IQSEC1: variants seen among roughly 807,000 people sequenced by gnomAD.
IQSEC1 encodes the protein IQ motif and Sec7 domain ArfGEF 1.
A neutral mutation model predicts 91.0 loss-of-function variants in IQSEC1; 31 were observed. The ratio of observed to expected loss-of-function variants is 0.34; its 90% CI spans 0.26 to 0.46. The LOEUF is 0.46. Ranked by LOEUF, IQSEC1 falls within the 20% of genes least tolerant of loss-of-function variation. IQSEC1 has a pLI of 1.00. For synonymous variants in IQSEC1, 699 were observed against 662.6 expected, an observed-to-expected ratio of 1.05 and a Z score of -0.84; for missense variants, 1,388 against 1,575.6, an observed-to-expected ratio of 0.88 and a Z score of 2.02.
intron 1 of IQSEC1, among the ~76,000 whole-genome samples, chr3:13,182,313 T>C (rs1263181694): frequency 6.6e-6 from 1 of 152,224 alleles, no homozygotes; most frequent in Non-Finnish European, 1.5e-5. Flanking sequence ...TACTTCTCTG[T>C]TCAATGGGTG....
chr3:13,253,190 T>C (rs1022418844), intron 1 of IQSEC1, among the ~76,000 whole-genome samples: 5 of 152,220 alleles, frequency 3.3e-5, no homozygotes, highest in African/African-American at 1.2e-4. Flanking sequence ...AATAGCCCTA[T>C]AGGATAGTTA....
chr3:13,137,828 T>A, intron 2 of IQSEC1, among the ~76,000 whole-genome samples: 1 of 151,998 alleles, frequency 6.6e-6, no homozygotes, highest in South Asian at 2.1e-4. Flanking sequence ...GTGAGACCCA[T>A]CTCTAAAAAT....
intron 1 of IQSEC1, among the ~76,000 whole-genome samples, chr3:13,060,610 T>C (rs1705030770): frequency 6.6e-6 from 1 of 152,224 alleles, no homozygotes; most frequent in Admixed American, 6.5e-5. Flanking sequence ...CAAGGCTGGA[T>C]GACGGGCCTA....
rs1700623325 is a variant in IQSEC1, at chr3:12,967,115, C to G, written c.24-25250G>C. On this transcript the variant is annotated intron_variant, in intron 1 of 13. Coordinates refer to ENST00000613206, the MANE Select transcript of IQSEC1 (RefSeq NM_001134382.3). The surrounding 1 kb of genome is among the most constrained non-coding windows in gnomAD (Gnocchi z 5.9). ...ACAGGCCCTCGATCACACACACACA[C>G]TCCCATCCTGAGACCCTCCCAGGGC... is the stretch of plus-strand genomic sequence containing the variant. Among the ~76,000 whole-genome samples the G allele has an allele frequency of 6.7e-6, 1 of 150,014 alleles. No homozygotes were observed. Among genetic ancestry groups the G allele is most frequent in the African/African-American group, 2.4e-5 (1 of 41,216 alleles).
rs77091274 is a variant in IQSEC1 at position 13,038,621 on chromosome 3, T to C, written c.23+34371A>G. Among the ~76,000 whole-genome samples, 559 of 152,188 alleles carry C rather than the reference T, an allele frequency of 3.7e-3. 1 individual carries two copies. Among genetic ancestry groups the C allele is most frequent in the African/African-American group, 0.013 (535 of 41,510 alleles). ...TAGGGTGACTATAGCCAATAATAAC[T>C]GATTTGTACGTCTTAAAAATAATTG... On this transcript the variant is annotated intron_variant, in intron 1 of 13. Coordinates refer to ENST00000613206, the MANE Select transcript of IQSEC1 (RefSeq NM_001134382.3).
chr3:13,236,174 C>T (rs1383166321), intron 1 of IQSEC1, among the ~76,000 whole-genome samples: 2 of 152,120 alleles, frequency 1.3e-5, no homozygotes, highest in African/African-American at 2.4e-5. Context: ...GCTGCAAGCT[C>T]CCCACTGAGA....
rs770468770 is a variant in IQSEC1 at position 12,936,292 on chromosome 3, C to T, written c.724G>A (p.Asp242Asn). ...TGCAGGCTGCGGCAGTTGAGGGCAT[C>T]GTCGATGGACTCGGCCAGTGATTTC... The part of the protein sequence containing the change: ...QVKSLAESID[D>N]ALNCRSLHTE... Residue 242 changes from aspartate to asparagine, a missense_variant, in exon 3 of 14, where the codon GAT (aspartate) becomes AAT (asparagine). Coordinates refer to ENST00000613206, the MANE Select transcript of IQSEC1 (RefSeq NM_001134382.3). 2 of 1,613,138 alleles carry T rather than the reference C, an allele frequency of 1.2e-6. No individual in the cohort carries two copies. Among genetic ancestry groups the T allele is most frequent in the East Asian group, 2.2e-5 (1 of 44,856 alleles).
chr3:12,961,497 G>A lies in IQSEC1; in HGVS notation c.24-19632C>T, dbSNP rs151335567. Reference sequence around the variant, plus strand: ...GCTACAAGCACAAGCTAAAGTCCATGGGCTTAGTCACTTCTTACTGTGTCT... The same window carrying A: ...GCTACAAGCACAAGCTAAAGTCCATAGGCTTAGTCACTTCTTACTGTGTCT... On this transcript the variant is annotated intron_variant, in intron 1 of 13. Transcript: ENST00000613206. 8.9e-3 allele frequency among the ~76,000 whole-genome samples: 1,349 copies of A among 152,326 alleles called. 14 individuals are homozygous for A. The highest frequency in any genetic ancestry group is 0.014 in the Middle Eastern group (4 of 294).
chr3:12,900,854 G>C lies in IQSEC1; in HGVS notation c.*129C>G, dbSNP rs763349939. 6 of 1,527,482 alleles carry C rather than the reference G, an allele frequency of 3.9e-6. No homozygotes were observed. Among genetic ancestry groups the C allele is most frequent in the Non-Finnish European group, 5.3e-6 (6 of 1,142,728 alleles). The allele number at this position is 1,527,482 out of a possible 1,614,324, so 94.6% of individuals were successfully genotyped here. A position where few individuals can be genotyped will look rare whatever the true frequency, so the allele number is the denominator to read the frequency against. ...TGTGGGCTCCTGGGGCTCCGGTTGGGCCGTGAGGGGCAGAGGGGAGAGATG... is the reference window on the plus strand; with the variant it reads ...TGTGGGCTCCTGGGGCTCCGGTTGGCCCGTGAGGGGCAGAGGGGAGAGATG... On this transcript the variant is annotated 3_prime_UTR_variant, in exon 14 of 14. Transcript: ENST00000613206.
rs1161914279 is a variant in IQSEC1, at chr3:13,282,607, GC to G, written c.272+103del. 2.6e-5 allele frequency among the ~76,000 whole-genome samples: 4 copies of G among 151,648 alleles called. No individual in the cohort carries two copies. In the East Asian group the frequency reaches 7.8e-4, roughly 30 times the overall value. On this transcript the variant is annotated intron_variant, in intron 1 of 15. Transcript: ENST00000648114. The surrounding 1 kb of genome is among the most constrained non-coding windows in gnomAD (Gnocchi z 6.4). ...GTGGGCGCTCCCGGGCCGGCCACGC[GC>G]CCTCCCGCACCCGCCCACCTCCCCG...
chr3:12,988,221 T>G (rs1351950015), intron 1 of IQSEC1, among the ~76,000 whole-genome samples: 2 of 152,076 alleles, frequency 1.3e-5, no homozygotes, highest in Non-Finnish European at 2.9e-5. Flanking sequence ...TGAGACTAGC[T>G]TGGCTAACAT....
rs1408302590 is a variant in IQSEC1 at position 12,900,765 on chromosome 3, G to A, written c.*218C>T. 2.1e-6 allele frequency: 3 copies of A among 1,436,568 alleles called. No homozygotes were observed. The highest frequency in any genetic ancestry group is 5.0e-5 in the East Asian group (2 of 39,646). 89.0% of individuals were successfully genotyped at this position (1,436,568 alleles called of 1,614,324 possible). A position where few individuals can be genotyped will look rare whatever the true frequency, so the allele number is the denominator to read the frequency against. ...GCCCACCCATCCCTCAGACTGAGGT[G>A]AGCAGAGCCCAGGGTGCCAACAAGA... On this transcript the variant is annotated 3_prime_UTR_variant, in exon 14 of 14. Coordinates refer to ENST00000613206, the MANE Select transcript of IQSEC1 (RefSeq NM_001134382.3).
At chr3:13,069,062 C>T (rs1705328536) in intron 1 of IQSEC1, among the ~76,000 whole-genome samples, 1 of 152,242 alleles carries the variant, frequency 6.6e-6, no homozygotes, top group African/African-American at 2.4e-5. Context: ...GAGTTATAAC[C>T]AGGACCTGCC....
chr3:13,147,924 C>T (rs1479515210), intron 2 of IQSEC1, among the ~76,000 whole-genome samples: 6 of 152,210 alleles, frequency 3.9e-5, no homozygotes, highest in East Asian at 1.9e-4. Context: ...TGAGCCACCA[C>T]GCCCAGCCGA....
At chr3:13,073,590 G>C (rs969567783), upstream of IQSEC1, among the ~76,000 whole-genome samples, 19 of 151,836 alleles carry the variant, frequency 1.3e-4, no homozygotes, top group South Asian at 2.7e-3. Context: ...TCACACACCC[G>C]GCGGGGCGCG....
intron 1 of IQSEC1, among the ~76,000 whole-genome samples, chr3:13,203,616 C>T (rs1694286624): frequency 6.6e-6 from 1 of 152,188 alleles, no homozygotes; most frequent in Admixed American, 6.5e-5. Context: ...GCAAACCCCA[C>T]CAGCAGCCGA....
chr3:12,920,202 G>A (rs1310852109), intron 6 of IQSEC1, among the ~76,000 whole-genome samples: 1 of 152,168 alleles, frequency 6.6e-6, no homozygotes, highest in Admixed American at 6.5e-5. Flanking sequence ...CCAACACCTC[G>A]AGACCCCGGC....
chr3:13,183,547 C>A (rs1162400467), intron 1 of IQSEC1, among the ~76,000 whole-genome samples: 1 of 151,692 alleles, frequency 6.6e-6, no homozygotes, highest in Non-Finnish European at 1.5e-5. Flanking sequence ...GCCTGGGCAA[C>A]ATAGCAAGAT....
intron 1 of IQSEC1, among the ~76,000 whole-genome samples, chr3:13,197,929 G>A (rs532617178): frequency 2.6e-4 from 39 of 152,340 alleles, no homozygotes; most frequent in African/African-American, 7.7e-4. Flanking sequence ...CAGCAGGAGC[G>A]GAGCGTGGTG....
Sources: allele counts gnomAD v4.1 joint callset (sites outside exome capture counted in the v4.1 genomes callset), GRCh38; gene constraint gnomAD v4.1.1; non-coding constraint Gnocchi (gnomAD v3.1); transcripts MANE v1.5; gene names NCBI Gene and HGNC (gene_info 2026-07-23, HGNC 2026-07-21).